The following SLC35F1 variants were observed in gnomAD, a reference collection of about 807,000 sequenced individuals.
SLC35F1 encodes the protein solute carrier family 35 member F1.
Under a neutral mutation model 48.7 loss-of-function variants are expected in SLC35F1, and 14 were observed. That is an observed-to-expected ratio of 0.29 (90% CI 0.19 to 0.45). SLC35F1 has a LOEUF of 0.45. SLC35F1 is among the 20% of genes least tolerant of loss of function. The probability of loss-of-function intolerance (pLI) is 1.00; values close to 1 mark genes in which losing one functional copy is unlikely to be tolerated. For missense variants in SLC35F1, 404 were observed against 500.0 expected (o/e 0.81, Z 1.83); for synonymous variants, 190 against 202.2 (o/e 0.94, Z 0.51).
chr6:118,270,460 A>T (rs1775836293), intron 4 of SLC35F1, among the ~76,000 whole-genome samples: 1 of 152,074 alleles, frequency 6.6e-6, no homozygotes. Context: ...AGCCTGGAAG[A>T]CTCTGCCTTA....
chr6:118,070,249 G>A (rs1772682694), intron 1 of SLC35F1, among the ~76,000 whole-genome samples: 1 of 151,460 alleles, frequency 6.6e-6, no homozygotes, highest in South Asian at 2.1e-4. Flanking sequence ...AAAGCAAACT[G>A]CTTCTCTCTT....
intron 6 of SLC35F1, among the ~76,000 whole-genome samples, chr6:118,284,664 C>T (rs1273077308): frequency 2.6e-5 from 4 of 152,114 alleles, no homozygotes; most frequent in Non-Finnish European, 5.9e-5. Context: ...ATTCGTCCAC[C>T]CAAGGCCACA....
intron 7 of SLC35F1, among the ~76,000 whole-genome samples, chr6:118,294,859 A>C (rs1320750010): frequency 6.6e-6 from 1 of 152,198 alleles, no homozygotes; most frequent in African/African-American, 2.4e-5. Flanking sequence ...GTTATCCAAA[A>C]GTCAACTCCA....
At chr6:117,956,240 G>C (rs1282921213) in intron 1 of SLC35F1, among the ~76,000 whole-genome samples, 1 of 152,196 alleles carries the variant, frequency 6.6e-6, no homozygotes, top group Non-Finnish European at 1.5e-5. Context: ...GTGGGGCAGG[G>C]TATCTTCCTA....
intron 1 of SLC35F1, among the ~76,000 whole-genome samples, chr6:117,976,847 T>C (rs1471690330): frequency 6.6e-6 from 1 of 152,198 alleles, no homozygotes; most frequent in East Asian, 1.9e-4. Flanking sequence ...CGTTGGGGCA[T>C]ATTTTCTTCC....
chr6:117,977,899 G>A lies in SLC35F1; in HGVS notation c.173+70000G>A, dbSNP rs548426059. On this transcript the variant is annotated intron_variant, in intron 1 of 7. Transcript: ENST00000360388. The stretch of plus-strand genomic sequence containing the variant: ...GAGGCTTAAATTTTAGCTTCATTTA[G>A]TAATGGATTTCCAGAAGAAACAAGC... Among the ~76,000 whole-genome samples the A allele has an allele frequency of 2.4e-3, 372 of 152,132 alleles. 1 individual carries two copies. The highest frequency in any genetic ancestry group is 2.9e-3 in the South Asian group (14 of 4,812).
chr6:118,182,206 C>T (rs1382383446), intron 2 of SLC35F1, among the ~76,000 whole-genome samples: 2 of 151,980 alleles, frequency 1.3e-5, no homozygotes, highest in Admixed American at 6.6e-5. Context: ...CAATTTAGGG[C>T]CAGGCACTGT....
chr6:118,105,342 A>C (rs1773313451), intron 1 of SLC35F1, among the ~76,000 whole-genome samples: 1 of 152,110 alleles, frequency 6.6e-6, no homozygotes, highest in African/African-American at 2.4e-5. Context: ...TGGGCCTTAG[A>C]TCCTTCACTT....
chr6:118,020,416 T>A (rs148839918), intron 1 of SLC35F1, among the ~76,000 whole-genome samples: 200 of 152,286 alleles, frequency 1.3e-3, no homozygotes, highest in Middle Eastern at 3.4e-3. Context: ...ACCAACCAGT[T>A]TGAAAGTTGG....
chr6:117,933,841 C>A (rs1383718372), intron 1 of SLC35F1, among the ~76,000 whole-genome samples: 1 of 152,022 alleles, frequency 6.6e-6, no homozygotes, highest in East Asian at 1.9e-4. Context: ...AGTGCACTTT[C>A]TAGGACCCTG....
chr6:117,939,642 T>C lies in SLC35F1; in HGVS notation c.173+31743T>C, dbSNP rs1309810298. On this transcript the variant is annotated intron_variant, in intron 1 of 7. Transcript: ENST00000360388. ...TGAAAAGTACCAGTTAAAAAGGACCTAAAGGGAATAAACCCGGAAATATAA... is the reference window on the plus strand; with the variant it reads ...TGAAAAGTACCAGTTAAAAAGGACCCAAAGGGAATAAACCCGGAAATATAA... Among the ~76,000 whole-genome samples the C allele has an allele frequency of 5.9e-5, 9 of 152,308 alleles. No homozygotes were observed. The East Asian group carries it at 1.7e-3, about 29-fold the overall frequency.
At chr6:118,084,151 G>C (rs916398019) in intron 1 of SLC35F1, among the ~76,000 whole-genome samples, 1 of 152,178 alleles carries the variant, frequency 6.6e-6, no homozygotes, top group African/African-American at 2.4e-5. Flanking sequence ...TTTTAGCCCA[G>C]TCTGGCTCCA....
chr6:118,285,118 T>G, intron 6 of SLC35F1, 66 bp from the exon 7 acceptor site: 1 of 1,570,880 alleles, frequency 6.4e-7, no homozygotes. Context: ...CCTTCTTTCC[T>G]GCTGTGGATG....
At chr6:118,216,248 T>A (rs1485854169) in intron 2 of SLC35F1, among the ~76,000 whole-genome samples, 1 of 151,716 alleles carries the variant, frequency 6.6e-6, no homozygotes, top group Non-Finnish European at 1.5e-5. Context: ...TGGCTAATTT[T>A]TTTTTTTAAT....
At chr6:118,121,282 G>A (rs186329704) in intron 1 of SLC35F1, among the ~76,000 whole-genome samples, 17 of 152,258 alleles carry the variant, frequency 1.1e-4, no homozygotes, top group African/African-American at 3.4e-4. Context: ...TTAGAAAGTT[G>A]GAAGGGACTT....
At chr6:118,106,837 C>T (rs998083400) in intron 1 of SLC35F1, among the ~76,000 whole-genome samples, 7 of 152,160 alleles carry the variant, frequency 4.6e-5, no homozygotes, top group Non-Finnish European at 8.8e-5. Flanking sequence ...GGACACACCA[C>T]GTTGTGTGTT....
chr6:118,012,769 G>A (rs1462550353), intron 1 of SLC35F1, among the ~76,000 whole-genome samples: 3 of 152,172 alleles, frequency 2.0e-5, no homozygotes, highest in Admixed American at 1.3e-4. Flanking sequence ...TGGAAATGGG[G>A]GCTACTGTTT....
intron 7 of SLC35F1, among the ~76,000 whole-genome samples, chr6:118,309,525 C>T (rs1056906355): frequency 6.6e-6 from 1 of 152,200 alleles, no homozygotes; most frequent in Admixed American, 6.5e-5. Context: ...CCCATGTTCT[C>T]CTCTGCTGAC....
At chr6:117,914,631 T>C (rs1273682406) in intron 1 of SLC35F1, among the ~76,000 whole-genome samples, 1 of 152,216 alleles carries the variant, frequency 6.6e-6, no homozygotes, top group Non-Finnish European at 1.5e-5. Flanking sequence ...GTGGAGTTTC[T>C]GTTATTACCC....
Sources: allele counts gnomAD v4.1 joint callset (sites outside exome capture counted in the v4.1 genomes callset), GRCh38; gene constraint gnomAD v4.1.1; transcripts MANE v1.5; gene names NCBI Gene and HGNC (gene_info 2026-07-23, HGNC 2026-07-21).